The following NOX4 variants were observed in gnomAD, a reference collection of about 807,000 sequenced individuals.
NOX4 encodes the protein NADPH oxidase 4.
Under a neutral mutation model 87.6 loss-of-function variants are expected in NOX4, and 69 were observed. The observed-to-expected ratio is 0.79, with a 90% CI of 0.65 to 0.96. NOX4 has a LOEUF of 0.96. Ranked by LOEUF, NOX4 falls within the 40% of genes least tolerant of loss-of-function variation. The probability of loss-of-function intolerance (pLI) is 0.00; values close to 1 mark genes in which losing one functional copy is unlikely to be tolerated. For synonymous variants in NOX4, 275 were observed against 238.2 expected (o/e 1.15, Z -1.42); for missense variants, 680 against 681.5 (o/e 1.00, Z 0.02).
chr11:89,364,218 G>T (rs1938754242), intron 12 of NOX4, among the ~76,000 whole-genome samples: 1 of 151,996 alleles, frequency 6.6e-6, no homozygotes, highest in African/African-American at 2.4e-5. Flanking sequence ...CTGCACACCA[G>T]CCTAGGTGAC....
At chr11:89,504,153 A>T in the NOX4 span, among the ~76,000 whole-genome samples, 2 of 151,728 alleles carry the variant, frequency 1.3e-5, no homozygotes, top group African/African-American at 4.8e-5. Flanking sequence ...AGCAGAAGGG[A>T]TGTCCAGACA....
At chr11:89,566,486 G>C in the NOX4 span, among the ~76,000 whole-genome samples, 3 of 152,092 alleles carry the variant, frequency 2.0e-5, no homozygotes, top group Non-Finnish European at 4.4e-5. Context: ...TATTTGGTAG[G>C]ATTTATTAGT....
At chr11:89,359,115 A>G (rs895649408) in intron 12 of NOX4, among the ~76,000 whole-genome samples, 2 of 152,072 alleles carry the variant, frequency 1.3e-5, no homozygotes, top group Non-Finnish European at 2.9e-5. Context: ...AGGCCCTTAG[A>G]CCTGGATGAC....
At chr11:89,377,539 A>C (rs1459606420) in intron 11 of NOX4, among the ~76,000 whole-genome samples, 1 of 152,162 alleles carries the variant, frequency 6.6e-6, no homozygotes, top group Non-Finnish European at 1.5e-5. Context: ...ACAAATGACT[A>C]ATAATTTTAT....
intron 2 of NOX4, among the ~76,000 whole-genome samples, chr11:89,461,960 T>C (rs1945489082): frequency 6.6e-6 from 1 of 151,664 alleles, no homozygotes. Flanking sequence ...ATGCAATCCT[T>C]AGTAAACTTT....
chr11:89,435,088 C>G (rs1195897959), intron 6 of NOX4, among the ~76,000 whole-genome samples: 1 of 151,866 alleles, frequency 6.6e-6, no homozygotes, highest in Admixed American at 6.6e-5. Context: ...TGTATCAAAA[C>G]CAATCAAATT....
intron 8 of NOX4, among the ~76,000 whole-genome samples, chr11:89,418,712 G>A (rs1942929025): frequency 6.6e-6 from 1 of 151,820 alleles, no homozygotes; most frequent in Non-Finnish European, 1.5e-5. Flanking sequence ...AAAAACGAAA[G>A]AACATTGTGA....
rs548330171 is a variant in NOX4, at chr11:89,364,402, T to C, written c.1135+9030A>G. Among the ~76,000 whole-genome samples, 6 of 152,106 alleles carry C rather than the reference T, an allele frequency of 3.9e-5. No individual in the cohort carries two copies. The East Asian group carries it at 1.2e-3, about 29-fold the overall frequency. ...GATTCAAATGAAAATGATTTATAAT[T>C]CTAGAAGAAAATAAAATGATTTACA... On this transcript the variant is annotated intron_variant, in intron 12 of 17. Coordinates refer to ENST00000263317, the MANE Select transcript of NOX4 (RefSeq NM_016931.5).
intron 11 of NOX4, among the ~76,000 whole-genome samples, chr11:89,378,207 T>C (rs1430943979): frequency 6.6e-6 from 1 of 152,202 alleles, no homozygotes; most frequent in African/African-American, 2.4e-5. Flanking sequence ...TCTGGCTTTA[T>C]ATTCCATGTT....
chr11:89,366,700 G>GAAAAAAAAAA (rs11314993), intron 12 of NOX4, among the ~76,000 whole-genome samples: 1 of 113,118 alleles, frequency 8.8e-6, no homozygotes. Flanking sequence ...AAACTGAAAA[G>GAAAAAAAAAA]AAAAAAAAAA....
intron 2 of NOX4, among the ~76,000 whole-genome samples, chr11:89,490,105 T>C (rs546772008): frequency 1.3e-5 from 2 of 152,300 alleles, no homozygotes; most frequent in Non-Finnish European, 2.9e-5. Flanking sequence ...AAAGCACTGA[T>C]AAGTATATAC....
intron 12 of NOX4, among the ~76,000 whole-genome samples, chr11:89,364,812 C>T: frequency 6.6e-6 from 1 of 152,078 alleles, no homozygotes; most frequent in Non-Finnish European, 1.5e-5. Context: ...TACCACTTTA[C>T]AGCAATAATG....
rs973523574 is a variant in NOX4, at chr11:89,401,753, C to A, written c.846+573G>T. Among the ~76,000 whole-genome samples the A allele has an allele frequency of 4.6e-5, 7 of 152,010 alleles. No homozygotes were observed. The South Asian group carries it at 1.2e-3, about 27-fold the overall frequency. ...TTGGAGATTTTGATCAAGGTAAGTACAATTTCTTTATCAGAAAATCGAGGG... is the reference window on the plus strand; with the variant it reads ...TTGGAGATTTTGATCAAGGTAAGTAAAATTTCTTTATCAGAAAATCGAGGG... On this transcript the variant is annotated intron_variant, in intron 9 of 17. Coordinates refer to ENST00000263317, the MANE Select transcript of NOX4 (RefSeq NM_016931.5).
chr11:89,473,688 T>A (rs1258322003), intron 2 of NOX4, among the ~76,000 whole-genome samples: 1 of 152,150 alleles, frequency 6.6e-6, no homozygotes, highest in African/African-American at 2.4e-5. Flanking sequence ...TTTTACTAAT[T>A]GAATCTATAA....
intron 12 of NOX4, among the ~76,000 whole-genome samples, chr11:89,365,770 A>AAAC (rs1555000747): frequency 2.6e-5 from 4 of 151,422 alleles, no homozygotes; most frequent in East Asian, 3.9e-4. Flanking sequence ...AAAAAAAAAA[A>AAAC]AAAAAACAGG....
At chr11:89,346,580 A>AATGGCTCTCAAAGGCACTC (rs1554993209) in intron 13 of NOX4, among the ~76,000 whole-genome samples, 1 of 115,320 alleles carries the variant, frequency 8.7e-6, no homozygotes, top group Non-Finnish European at 1.7e-5. Flanking sequence ...AAAGAAAGAA[A>AATGGCTCTCAAAGGCACTC]GATGGAGAAT....
At chr11:89,382,003 C>T (rs533530137) in intron 11 of NOX4, among the ~76,000 whole-genome samples, 2 of 152,236 alleles carry the variant, frequency 1.3e-5, no homozygotes, top group East Asian at 3.9e-4. Context: ...GTCACGGACT[C>T]GGCAAGACAG....
chr11:89,525,055 A>G, the NOX4 span, among the ~76,000 whole-genome samples: 1 of 152,058 alleles, frequency 6.6e-6, no homozygotes. Context: ...GTAGTTATCC[A>G]TTATATGAAT....
At chr11:89,327,695 C>T (rs1308668800) in intron 17 of NOX4, among the ~76,000 whole-genome samples, 1 of 151,896 alleles carries the variant, frequency 6.6e-6, no homozygotes, top group East Asian at 1.9e-4. Flanking sequence ...TTAATTATGT[C>T]AGAATAACTC....
Sources: gnomAD v4.1 joint callset for allele counts (sites outside exome capture counted in the v4.1 genomes callset) on GRCh38, gnomAD v4.1.1 for gene constraint, MANE v1.5 for transcripts, NCBI Gene and HGNC (gene_info 2026-07-23, HGNC 2026-07-21) for gene names.